Variants in LEPR observed in about 807,000 individuals in gnomAD.
LEPR encodes the protein OB receptor.
In LEPR, 56 loss-of-function variants were observed where a neutral mutation model predicts 114.7. The ratio of observed to expected loss-of-function variants is 0.49; its 90% CI spans 0.39 to 0.61. The LOEUF (loss-of-function observed/expected upper bound fraction) is 0.61, where lower values mean the gene tolerates loss of function less well. LEPR is among the 20% of genes least tolerant of loss of function. The pLI is 0.00. For synonymous variants in LEPR, 443 were observed against 461.4 expected, an observed-to-expected ratio of 0.96 and a Z score of 0.51; for missense variants, 1,202 against 1,352.9, an observed-to-expected ratio of 0.89 and a Z score of 1.75.
chr1:65,545,420 C>G (rs2100684059), intron 2 of LEPR, among the ~76,000 whole-genome samples: 1 of 151,846 alleles, frequency 6.6e-6, no homozygotes, highest in South Asian at 2.1e-4. Context: ...TAGAGTCCCA[C>G]CAACAGTGTA....
intron 2 of LEPR, among the ~76,000 whole-genome samples, chr1:65,554,564 C>T (rs183151208): frequency 6.6e-6 from 1 of 152,118 alleles, no homozygotes; most frequent in Non-Finnish European, 1.5e-5. Flanking sequence ...TTCCTTCCCC[C>T]ACCAAGCTTG....
chr1:65,636,520 A>G lies in LEPR; in HGVS notation c.3003A>G (p.Glu1001=), dbSNP rs750689892. The G allele has an allele frequency of 2.5e-6, 4 of 1,614,010 alleles. No individual in the cohort carries two copies. In the East Asian group the frequency reaches 6.7e-5, roughly 27 times the overall value. Residue 1001 remains glutamate (E), a synonymous_variant, in exon 20 of 20, where the codon GAA becomes GAG. Coordinates refer to ENST00000349533, the MANE Select transcript of LEPR (RefSeq NM_002303.6). ...CTAAACCAAGTGAAACTGGTGAAGA[A>G]CAAGGGCTTATAAATAGTTCAGTCA... ...SNSKPSETGE[E]QGLINSSVTK...
intron 3 of LEPR, among the ~76,000 whole-genome samples, chr1:65,569,417 A>G (rs1653996067): frequency 6.6e-6 from 1 of 152,230 alleles, no homozygotes; most frequent in Admixed American, 6.5e-5. Context: ...ATATTTAAAA[A>G]TAAGTTTGGC....
Position 65,636,224 on chromosome 1 carries a change from A to G in LEPR, c.2707A>G (p.Thr903Ala), listed in dbSNP as rs763017373. 4 of 1,613,856 alleles carry G rather than the reference A, an allele frequency of 2.5e-6. No individual in the cohort carries two copies. Among genetic ancestry groups the G allele is most frequent in the African/African-American group, 2.7e-5 (2 of 74,920 alleles). ...ETFEHLFIKH[T>A]ASVTCGPLLL... Reference sequence around the variant, plus strand: ...GTTTGAGCATCTTTTTATCAAGCATACAGCATCAGTGACATGTGGTCCTCT... The same window carrying G: ...GTTTGAGCATCTTTTTATCAAGCATGCAGCATCAGTGACATGTGGTCCTCT... The change falls in exon 20 of 20, where the codon ACA becomes GCA. Residue 903 changes from threonine to alanine, a missense_variant. Physicochemically the swap from Thr to Ala is moderately conservative, Grantham distance 58 (BLOSUM62 0). Transcript: ENST00000349533.
chr1:65,434,444 G>C (rs1199465010), intron 2 of LEPR: 3 of 985,204 alleles, frequency 3.0e-6, no homozygotes, highest in Non-Finnish European at 3.6e-6. Flanking sequence ...TCTTTATCAT[G>C]TTTCAAACAA....
intron 2 of LEPR, chr1:65,435,821 T>C (rs528609292): frequency 6.6e-5 from 65 of 983,196 alleles, no homozygotes; most frequent in Middle Eastern, 5.2e-4. Flanking sequence ...TGCATTTTAA[T>C]TTAATTCTCC....
chr1:65,548,364 G>C (rs964604952), intron 2 of LEPR, among the ~76,000 whole-genome samples: 18 of 152,248 alleles, frequency 1.2e-4, no homozygotes, highest in African/African-American at 4.3e-4. Flanking sequence ...GGGTATCCTT[G>C]TTAACTTTCT....
intron 2 of LEPR, among the ~76,000 whole-genome samples, chr1:65,542,268 T>C (rs1404578562): frequency 6.6e-6 from 1 of 152,104 alleles, no homozygotes; most frequent in African/African-American, 2.4e-5. Flanking sequence ...GGCTTTTTTT[T>C]CTTTTCATTT....
At chr1:65,542,571 G>A (rs770390830) in intron 2 of LEPR, among the ~76,000 whole-genome samples, 2 of 151,144 alleles carry the variant, frequency 1.3e-5, no homozygotes, top group Non-Finnish European at 2.9e-5. Flanking sequence ...CCATCAACCC[G>A]TCACCTACAT....
intron 2 of LEPR, among the ~76,000 whole-genome samples, chr1:65,543,027 G>C (rs12082008): frequency 1.3e-5 from 2 of 151,570 alleles, no homozygotes; most frequent in Admixed American, 6.6e-5. Context: ...GATCCCTGAA[G>C]AATTGTCATA....
At chr1:65,631,537 A>G (rs1333614742) in intron 19 of LEPR, among the ~76,000 whole-genome samples, 1 of 152,116 alleles carries the variant, frequency 6.6e-6, no homozygotes, top group Non-Finnish European at 1.5e-5. Flanking sequence ...TAGCCCTCTC[A>G]GATCATCTTC....
intron 2 of LEPR, among the ~76,000 whole-genome samples, chr1:65,482,981 C>G (rs1043087976): frequency 7.0e-6 from 1 of 142,674 alleles, no homozygotes. Flanking sequence ...GAGTGAGACT[C>G]TGTCTCAAAA....
chr1:65,590,095 G>A lies in LEPR; in HGVS notation c.495-2562G>A, dbSNP rs187668910. 4.7e-4 allele frequency among the ~76,000 whole-genome samples: 71 copies of A among 151,700 alleles called. 1 individual carries two copies. Among genetic ancestry groups the A allele is most frequent in the African/African-American group, 1.3e-3 (53 of 41,362 alleles). ...TTTTAGTTAGGTCTTAATAATTTCC[G>A]TCAACAGCATTTCATAGTTTTCAAT... On this transcript the variant is annotated intron_variant, in intron 5 of 19. Coordinates refer to ENST00000349533, the MANE Select transcript of LEPR (RefSeq NM_002303.6).
intron 19 of LEPR, chr1:65,635,286 C>T (rs1387981511): frequency 2.0e-6 from 2 of 980,082 alleles, no homozygotes; most frequent in Non-Finnish European, 2.4e-6. Context: ...GATGTATCAA[C>T]AGCTTTTTTT....
intron 2 of LEPR, among the ~76,000 whole-genome samples, chr1:65,448,174 A>G (rs1646736583): frequency 3.3e-5 from 5 of 152,186 alleles, no homozygotes; most frequent in Admixed American, 2.6e-4. Flanking sequence ...GACATTCTTT[A>G]TGAAGTTGAG....
chr1:65,454,519 T>C (rs1028741232), intron 2 of LEPR, among the ~76,000 whole-genome samples: 1 of 152,156 alleles, frequency 6.6e-6, no homozygotes, highest in African/African-American at 2.4e-5. Flanking sequence ...CTGTAAAGTA[T>C]TTTATTTCCC....
chr1:65,549,042 G>A (rs1340222979), intron 2 of LEPR, among the ~76,000 whole-genome samples: 9 of 151,404 alleles, frequency 5.9e-5, no homozygotes, highest in Admixed American at 2.0e-4. Flanking sequence ...TGTCTGTAAA[G>A]TATTTTATTT....
intron 2 of LEPR, among the ~76,000 whole-genome samples, chr1:65,450,987 T>C (rs1646777419): frequency 6.7e-6 from 1 of 150,146 alleles, no homozygotes; most frequent in Non-Finnish European, 1.5e-5. Flanking sequence ...TGTGAGATGG[T>C]ATCTCATTGT....
intron 12 of LEPR, 21 bp downstream of exon 12, chr1:65,608,922 CAG>C (rs775238891): frequency 2.5e-5 from 41 of 1,612,934 alleles, no homozygotes; most frequent in Non-Finnish European, 3.1e-5. Context: ...CTTAGAACTT[CAG>C]CTTTCCTCAT....
Sources: gnomAD v4.1 joint callset for allele counts (sites outside exome capture counted in the v4.1 genomes callset) on GRCh38, gnomAD v4.1.1 for gene constraint, MANE v1.5 for transcripts, NCBI Gene and HGNC (gene_info 2026-07-23, HGNC 2026-07-21) for gene names.